Variants in ETV4 observed in about 807,000 individuals in gnomAD.
ETV4 encodes the protein ETS variant transcription factor 4.
Under a neutral mutation model 65.9 loss-of-function variants are expected in ETV4, and 42 were observed. That is an observed-to-expected ratio of 0.64 (90% CI 0.50 to 0.82). The LOEUF (loss-of-function observed/expected upper bound fraction) is 0.82, where lower values mean the gene tolerates loss of function less well. ETV4 is among the 40% of genes least tolerant of loss of function. The pLI is 0.00. For missense variants in ETV4, 583 were observed against 630.3 expected (o/e 0.92, Z 0.80); for synonymous variants, 238 against 260.0 (o/e 0.92, Z 0.81).
chr17:43,536,494 C>T lies in ETV4; in HGVS notation c.203-15G>A, dbSNP rs777160927. 6.2e-7 allele frequency: 1 copy of T among 1,614,094 alleles called. No individual in the cohort carries two copies. The highest frequency in any genetic ancestry group is 8.5e-7 in the Non-Finnish European group (1 of 1,179,972). Reference sequence around the variant, plus strand: ...TGGTACCTGAGCTGCAGAGAGAAGTCAGAGGTGAGTTTGGGGCGGAGCCCT... The same window carrying T: ...TGGTACCTGAGCTGCAGAGAGAAGTTAGAGGTGAGTTTGGGGCGGAGCCCT... On this transcript the variant is annotated splice_polypyrimidine_tract_variant and intron_variant, in intron 4 of 12. Coordinates refer to ENST00000319349, the MANE Select transcript of ETV4 (RefSeq NM_001079675.5).
chr17:43,537,152 G>C (rs1971284692), intron 4 of ETV4, among the ~76,000 whole-genome samples: 1 of 152,080 alleles, frequency 6.6e-6, no homozygotes, highest in African/African-American at 2.4e-5. Flanking sequence ...GATCACCTGA[G>C]GTCCGGAGTT....
At chr17:43,544,728 T>C in intron 4 of ETV4, 1 of 443,872 alleles carries the variant, frequency 2.3e-6, no homozygotes, top group Non-Finnish European at 4.1e-6. Flanking sequence ...CACACAATGG[T>C]CTGATTCATC....
Position 43,545,665 on chromosome 17 carries a change from A to T in ETV4, c.-48T>A, listed in dbSNP as rs1393917246. On this transcript the variant is annotated 5_prime_UTR_variant, in exon 2 of 13. Coordinates refer to ENST00000319349, the MANE Select transcript of ETV4 (RefSeq NM_001079675.5). ...CGGCCGGGGCCCCAAGCGGGGGCCGAGACCTGGTGGGGGAGGGGGCTGCGT... is the reference window on the plus strand; with the variant it reads ...CGGCCGGGGCCCCAAGCGGGGGCCGTGACCTGGTGGGGGAGGGGGCTGCGT... 3 of 1,516,850 alleles carry T rather than the reference A, an allele frequency of 2.0e-6. No homozygotes were observed. Among genetic ancestry groups the T allele is most frequent in the Non-Finnish European group, 2.7e-6 (3 of 1,120,264 alleles). 94.0% of individuals were successfully genotyped at this position (1,516,850 alleles called of 1,614,324 possible).
At chr17:43,533,028 TC>T in intron 7 of ETV4, 89 bp from the exon 8 acceptor site, 1 of 1,508,614 alleles carries the variant, frequency 6.6e-7, no homozygotes, top group Non-Finnish European at 8.9e-7. Flanking sequence ...TAGAGTGGGC[TC>T]CGGAATGGGG....
rs114904858 is a variant in ETV4, at chr17:43,540,180, T to C, written c.203-3701A>G. ...TTAAAAACACGATTACAGCCAGGTG[T>C]GGTGGCTCACGCCTGTAATCCCAGC... On this transcript the variant is annotated intron_variant, in intron 4 of 12. Transcript: ENST00000319349. 1.9e-3 allele frequency among the ~76,000 whole-genome samples: 294 copies of C among 152,254 alleles called. 1 individual carries two copies. Among genetic ancestry groups the C allele is most frequent in the African/African-American group, 6.4e-3 (265 of 41,538 alleles).
intron 5 of ETV4, chr17:43,536,196 G>A: frequency 1.8e-6 from 1 of 559,484 alleles, no homozygotes; most frequent in South Asian, 2.2e-5. Context: ...TCAGATATAA[G>A]GCAATGGAGA....
At position 43,531,665 on chromosome 17, in the gene ETV4, A is replaced by G. The variant is rs140456006; in HGVS notation, c.811+1009T>C. On this transcript the variant is annotated intron_variant, in intron 8 of 12. Coordinates refer to ENST00000319349, the MANE Select transcript of ETV4 (RefSeq NM_001079675.5). ...AGCCTGGGCGAGAGAGCAAGACTCCATCTCAAAACAAACAAACAGAGCAAG... is the reference window on the plus strand; with the variant it reads ...AGCCTGGGCGAGAGAGCAAGACTCCGTCTCAAAACAAACAAACAGAGCAAG... Among the ~76,000 whole-genome samples, 587 of 152,294 alleles carry G rather than the reference A, an allele frequency of 3.9e-3. 2 individuals carry two copies. The highest frequency in any genetic ancestry group is 0.013 in the African/African-American group (535 of 41,552).
chr17:43,533,350 T>C lies in ETV4; in HGVS notation c.384-2A>G, dbSNP rs759131168. ...ATTTGTCTGGGGGGGTCATAGGCAC[T>C]GGAGTTGAGAAGGAGACAGGGGTGA... On this transcript the variant is annotated splice_acceptor_variant, in intron 6 of 12. Transcript: ENST00000319349. LOFTEE classifies it high-confidence loss of function. The C allele has an allele frequency of 1.1e-5, 18 of 1,611,520 alleles. No individual in the cohort carries two copies. In the East Asian group the frequency reaches 3.6e-4, roughly 32 times the overall value.
At chr17:43,543,493 AGGAGCT>A (rs959347463) in intron 4 of ETV4, among the ~76,000 whole-genome samples, 19 of 152,102 alleles carry the variant, frequency 1.2e-4, no homozygotes, top group African/African-American at 4.1e-4. Context: ...TCACAGCCCT[AGGAGCT>A]GCCCACTGTG....
At position 43,528,687 on chromosome 17, in the gene ETV4, A is replaced by G; in HGVS notation, c.1287T>C (p.Ser429=). ...GACGCTGATTGTCCGGGAAGGCCAA[A>G]GAGAAGAGGGCCTCGGGCTCACACA... ...KFVCEPEALF[S]LAFPDNQRPA... is the part of the protein sequence containing the mutation. Residue 429 remains serine, a synonymous_variant, in exon 13 of 13, where the codon TCT becomes TCC. Transcript: ENST00000319349. 1 of 1,614,172 alleles carries G rather than the reference A, an allele frequency of 6.2e-7. No individual in the cohort carries two copies. The highest frequency in any genetic ancestry group is 1.1e-5 in the South Asian group (1 of 91,092).
intron 4 of ETV4, among the ~76,000 whole-genome samples, chr17:43,539,217 C>G (rs1971399791): frequency 6.6e-6 from 1 of 152,198 alleles, no homozygotes; most frequent in Admixed American, 6.5e-5. Flanking sequence ...CTCTGACCTG[C>G]CTCTCCTTGC....
chr17:43,542,871 C>A (rs1971591384), intron 4 of ETV4, among the ~76,000 whole-genome samples: 2 of 152,100 alleles, frequency 1.3e-5, no homozygotes, highest in Admixed American at 1.3e-4. Context: ...GGGCTCTGGT[C>A]CCCTTTCCTC....
At chr17:43,536,213 G>A in intron 5 of ETV4, 2 of 593,058 alleles carry the variant, frequency 3.4e-6, no homozygotes, top group Non-Finnish European at 6.0e-6. Flanking sequence ...GAGAACCAGA[G>A]GGATAGTGTC....
chr17:43,545,419 G>A (rs1320826864), intron 2 of ETV4, 52 bp from the exon 3 acceptor site: 9 of 1,498,462 alleles, frequency 6.0e-6, no homozygotes, highest in African/African-American at 1.4e-5. Flanking sequence ...GCTTAGTCTG[G>A]GGGACGAGGT....
In ETV4 at chr17:43,530,189, G is replaced by A; in HGVS notation, c.812-8C>T. 1 of 1,553,692 alleles carries A rather than the reference G, an allele frequency of 6.4e-7. No homozygotes were observed. The highest frequency in any genetic ancestry group is 8.7e-7 in the Non-Finnish European group (1 of 1,147,874). ...ATGCGCACCCGGTGACATCTGTGGGGGAAGAAGGGGTGATGTGAGAAGTGG... is the reference window on the plus strand; with the variant it reads ...ATGCGCACCCGGTGACATCTGTGGGAGAAGAAGGGGTGATGTGAGAAGTGG... On this transcript the variant is annotated splice_region_variant and splice_polypyrimidine_tract_variant and intron_variant, in intron 8 of 12. Transcript: ENST00000319349.
At chr17:43,532,488 C>A (rs1438055117) in intron 8 of ETV4, among the ~76,000 whole-genome samples, 186 bp downstream of exon 8, 1 of 151,178 alleles carries the variant, frequency 6.6e-6, no homozygotes, top group Non-Finnish European at 1.5e-5. Flanking sequence ...CAGAGCAGGA[C>A]CCCATTTCAA....
chr17:43,541,447 G>A (rs1396531430), intron 4 of ETV4, among the ~76,000 whole-genome samples: 2 of 152,044 alleles, frequency 1.3e-5, no homozygotes, highest in Non-Finnish European at 2.9e-5. Flanking sequence ...CGAGGCAGAT[G>A]ATTAAGGAGG....
chr17:43,540,040 C>T (rs1971441216), intron 4 of ETV4, among the ~76,000 whole-genome samples: 1 of 152,154 alleles, frequency 6.6e-6, no homozygotes, highest in Non-Finnish European at 1.5e-5. Flanking sequence ...ACATGAAATC[C>T]GCTGGCAAGA....
chr17:43,543,265 AAC>A (rs1189446827), intron 4 of ETV4, among the ~76,000 whole-genome samples: 2 of 63,006 alleles, frequency 3.2e-5, no homozygotes, highest in Non-Finnish European at 6.4e-5. Context: ...GCATGTAACT[AAC>A]ACACACACAC....
Sources: allele counts gnomAD v4.1 joint callset (sites outside exome capture counted in the v4.1 genomes callset), GRCh38; gene constraint gnomAD v4.1.1; transcripts MANE v1.5; gene names NCBI Gene and HGNC (gene_info 2026-07-23, HGNC 2026-07-21).